The following GABRB1 variants were observed in gnomAD, a reference collection of about 807,000 sequenced individuals.
GABRB1 encodes the protein gamma-aminobutyric acid receptor subunit beta-1.
Under a neutral mutation model 51.6 loss-of-function variants are expected in GABRB1, and 17 were observed. That is an observed-to-expected ratio of 0.33 (90% confidence interval 0.23 to 0.49). GABRB1 has a LOEUF of 0.49. Ranked by LOEUF, GABRB1 falls within the 20% of genes least tolerant of loss-of-function variation. The probability of loss-of-function intolerance (pLI) is 0.99; values close to 1 mark genes in which losing one functional copy is unlikely to be tolerated. For missense variants in GABRB1, 410 were observed against 600.6 expected, an observed-to-expected ratio of 0.68 and a Z score of 3.32; for synonymous variants, 247 against 218.9, an observed-to-expected ratio of 1.13 and a Z score of -1.14.
chr4:47,274,147 CA>C (rs1175458482), intron 4 of GABRB1, among the ~76,000 whole-genome samples: 1 of 152,108 alleles, frequency 6.6e-6, no homozygotes, highest in Non-Finnish European at 1.5e-5. Flanking sequence ...ATTCCTGGCT[CA>C]AATCCAAATT....
At chr4:47,149,212 CAG>C (rs1456663282) in intron 3 of GABRB1, among the ~76,000 whole-genome samples, 7 of 151,846 alleles carry the variant, frequency 4.6e-5, no homozygotes, top group African/African-American at 1.7e-4. Context: ...CAGAAACAGA[CAG>C]AAATTATTAT....
intron 4 of GABRB1, among the ~76,000 whole-genome samples, chr4:47,279,352 A>C (rs1723194297): frequency 6.6e-6 from 1 of 152,214 alleles, no homozygotes; most frequent in Middle Eastern, 3.2e-3. Flanking sequence ...TTTACAAGCG[A>C]ATAGAATAAA....
chr4:47,221,784 T>C (rs1410843837), intron 4 of GABRB1, among the ~76,000 whole-genome samples: 1 of 152,082 alleles, frequency 6.6e-6, no homozygotes, highest in Non-Finnish European at 1.5e-5. Context: ...GGTCACAACA[T>C]TTTCATCAAC....
At chr4:47,038,622 T>TA (rs986081487) in intron 3 of GABRB1, among the ~76,000 whole-genome samples, 4 of 152,200 alleles carry the variant, frequency 2.6e-5, no homozygotes, top group Non-Finnish European at 5.9e-5. Context: ...AAATGAGGGA[T>TA]AAAACCAGGG....
intron 4 of GABRB1, among the ~76,000 whole-genome samples, chr4:47,252,382 C>G (rs1053192868): frequency 1.3e-5 from 2 of 152,086 alleles, no homozygotes; most frequent in African/African-American, 4.8e-5. Context: ...TCTCCAGGGT[C>G]CTGCAGAACC....
At chr4:47,170,474 G>A (rs1718394864) in intron 4 of GABRB1, among the ~76,000 whole-genome samples, 1 of 151,754 alleles carries the variant, frequency 6.6e-6, no homozygotes, top group Non-Finnish European at 1.5e-5. Flanking sequence ...GGTCCTAAAT[G>A]TCTAACATTA....
Position 47,325,741 on chromosome 4 carries a change from G to A in GABRB1, c.544+5532G>A, listed in dbSNP as rs1389704201. Among the ~76,000 whole-genome samples the A allele has an allele frequency of 3.9e-5, 6 of 152,048 alleles. No homozygotes were observed. In the East Asian group the frequency reaches 1.2e-3, roughly 29 times the overall value. ...TCATCCTTCAGTCCTCACCTCACAT[G>A]CCACCTTCGATAGGAGGCTTTCTTG... On this transcript the variant is annotated intron_variant, in intron 5 of 8. Transcript: ENST00000295454.
intron 5 of GABRB1, among the ~76,000 whole-genome samples, chr4:47,353,050 T>A (rs781436221): frequency 6.6e-6 from 1 of 152,166 alleles, no homozygotes; most frequent in Non-Finnish European, 1.5e-5. Flanking sequence ...TCTTACATGA[T>A]GGCAGCAAGA....
intron 1 of GABRB1, among the ~76,000 whole-genome samples, chr4:47,020,144 G>A (rs1019480093): frequency 5.3e-5 from 8 of 152,012 alleles, no homozygotes; most frequent in Non-Finnish European, 1.0e-4. Flanking sequence ...TTCTCCTTTT[G>A]TCCTCACATG....
At chr4:47,339,311 T>C (rs552364299) in intron 5 of GABRB1, among the ~76,000 whole-genome samples, 2 of 152,302 alleles carry the variant, frequency 1.3e-5, no homozygotes, top group East Asian at 3.9e-4. Context: ...ACAGCATCTG[T>C]GTACATTTCA....
intron 2 of GABRB1, 123 bp downstream of exon 2, chr4:47,032,128 G>GCACACACACA (rs72109821): frequency 7.0e-5 from 41 of 583,558 alleles, no homozygotes; most frequent in Admixed American, 2.6e-4. Flanking sequence ...TATACCCTGG[G>GCACACACACA]CACACACACA....
At chr4:47,303,384 C>A (rs114767171) in intron 4 of GABRB1, among the ~76,000 whole-genome samples, 10,519 of 123,204 alleles carry the variant, frequency 0.085, 436 homozygotes, top group Middle Eastern at 0.13. Context: ...CTCTCTCTCT[C>A]TCTATATATA....
intron 1 of GABRB1, among the ~76,000 whole-genome samples, chr4:46,996,393 T>C (rs16859842): frequency 0.092 from 13,996 of 152,184 alleles, 735 homozygotes; most frequent in South Asian, 0.19. Context: ...GAGTTTACTT[T>C]GGATATAATA....
chr4:47,168,505 C>T (rs984077034), intron 4 of GABRB1, among the ~76,000 whole-genome samples: 1 of 152,030 alleles, frequency 6.6e-6, no homozygotes, highest in Non-Finnish European at 1.5e-5. Flanking sequence ...AAATGTCTTT[C>T]TCTATCTCCA....
intron 4 of GABRB1, among the ~76,000 whole-genome samples, chr4:47,213,522 C>G (rs1720445107): frequency 6.6e-6 from 1 of 151,926 alleles, no homozygotes; most frequent in Admixed American, 6.6e-5. Context: ...TCGTTTCCCT[C>G]TCATTTTTTT....
intron 3 of GABRB1, among the ~76,000 whole-genome samples, chr4:47,144,712 C>T (rs1345671148): frequency 2.0e-5 from 3 of 151,834 alleles, no homozygotes; most frequent in Non-Finnish European, 2.9e-5. Context: ...ATCTTATACT[C>T]TCATCATGAT....
chr4:47,066,632 C>A (rs950944492), intron 3 of GABRB1, among the ~76,000 whole-genome samples: 1 of 152,344 alleles, frequency 6.6e-6, no homozygotes, highest in Non-Finnish European at 1.5e-5. Context: ...AATAACTCCT[C>A]ATCCATCCAA....
intron 1 of GABRB1, among the ~76,000 whole-genome samples, chr4:47,019,119 C>T (rs557178751): frequency 1.7e-4 from 26 of 152,166 alleles, no homozygotes; most frequent in Admixed American, 1.5e-3. Flanking sequence ...ACTAAGCAAC[C>T]GCATTGAAAA....
chr4:47,088,945 T>C (rs553622465), intron 3 of GABRB1, among the ~76,000 whole-genome samples: 63 of 152,346 alleles, frequency 4.1e-4, no homozygotes, highest in African/African-American at 1.5e-3. Context: ...TTTTGACTTC[T>C]TTGTCTTGTG....
Sources: gnomAD v4.1 joint callset for allele counts (sites outside exome capture counted in the v4.1 genomes callset) on GRCh38, gnomAD v4.1.1 for gene constraint, MANE v1.5 for transcripts, NCBI Gene and HGNC (gene_info 2026-07-23, HGNC 2026-07-21) for gene names.